Variants in PPM1A observed in about 807,000 individuals in gnomAD.
PPM1A encodes the protein protein phosphatase, Mg2+/Mn2+ dependent 1A, also known as protein phosphatase 1A.
Under a neutral mutation model 35.0 loss-of-function variants are expected in PPM1A, and 7 were observed. The ratio of observed to expected loss-of-function variants is 0.20; its 90% CI spans 0.11 to 0.38. The LOEUF is 0.38. PPM1A is among the 10% of genes least tolerant of loss of function. The probability of loss-of-function intolerance (pLI) is 1.00; values close to 1 mark genes in which losing one functional copy is unlikely to be tolerated. For missense variants in PPM1A, 239 were observed against 467.8 expected, an observed-to-expected ratio of 0.51 and a Z score of 4.51; for synonymous variants, 153 against 167.3, an observed-to-expected ratio of 0.91 and a Z score of 0.66.
At chr14:60,280,227 A>G (rs1313882450) in intron 1 of PPM1A, among the ~76,000 whole-genome samples, 1 of 152,088 alleles carries the variant, frequency 6.6e-6, no homozygotes, top group East Asian at 1.9e-4. Flanking sequence ...GCTGGTCTAG[A>G]ACTCCTGACC....
intron 1 of PPM1A, among the ~76,000 whole-genome samples, chr14:60,254,982 C>T (rs1357842176): frequency 6.6e-6 from 1 of 152,090 alleles, no homozygotes; most frequent in East Asian, 1.9e-4. Context: ...TGGATCTTTG[C>T]TCATGCTAGT....
At chr14:60,255,429 C>G (rs914150211) in intron 1 of PPM1A, among the ~76,000 whole-genome samples, 1 of 152,054 alleles carries the variant, frequency 6.6e-6, no homozygotes, top group African/African-American at 2.4e-5. Context: ...CCTCGGCCTC[C>G]CAAAGTGCTG....
rs1885432632 is a variant in PPM1A, at chr14:60,273,784, G to A, written c.-20-8900G>A. 3.3e-5 allele frequency among the ~76,000 whole-genome samples: 5 copies of A among 152,158 alleles called. No individual in the cohort carries two copies. The South Asian group carries it at 1.0e-3, about 31-fold the overall frequency. ...AAGCATATAACCCATGGGATTTGATGATGGACTGATGGGAGATGAGGTAGA... is the reference window on the plus strand; with the variant it reads ...AAGCATATAACCCATGGGATTTGATAATGGACTGATGGGAGATGAGGTAGA... On this transcript the variant is annotated intron_variant, in intron 1 of 5. Coordinates refer to ENST00000395076, the MANE Select transcript of PPM1A (RefSeq NM_021003.5). The surrounding 1 kb of genome is among the most constrained non-coding windows in gnomAD (Gnocchi z 4.3).
At chr14:60,276,962 CT>C in intron 1 of PPM1A, 2 of 885,826 alleles carry the variant, frequency 2.3e-6, no homozygotes, top group Non-Finnish European at 2.9e-6. Context: ...ATGAAATTTT[CT>C]GATTATATCA....
chr14:60,290,126 C>G (rs1318040856), intron 4 of PPM1A, among the ~76,000 whole-genome samples: 1 of 151,990 alleles, frequency 6.6e-6, no homozygotes, highest in Non-Finnish European at 1.5e-5. Flanking sequence ...TGAGGGTTGT[C>G]TTTATTGGAA....
intron 1 of PPM1A, among the ~76,000 whole-genome samples, chr14:60,268,815 A>G (rs1252181957): frequency 1.3e-5 from 2 of 152,046 alleles, no homozygotes; most frequent in Non-Finnish European, 2.9e-5. Flanking sequence ...AACTCAATGC[A>G]AAAAACTGGT....
At position 60,282,834 on chromosome 14, in the gene PPM1A, T is replaced by C. The variant is rs765800676; in HGVS notation, c.131T>C (p.Ile44Thr). The change falls in exon 2 of 6, where the codon ATC (isoleucine) becomes ACC (threonine). Residue 44 changes from isoleucine (I) to threonine (T), a missense_variant. Coordinates refer to ENST00000395076, the MANE Select transcript of PPM1A (RefSeq NM_021003.5). The surrounding 1 kb of genome is among the most constrained non-coding windows in gnomAD (Gnocchi z 5.1). ...VEMEDAHTAV[I>T]GLPSGLESWS... The stretch of plus-strand genomic sequence containing the variant: ...ATGGAGGATGCACATACGGCTGTGA[T>C]CGGTTTGCCAAGTGGACTTGAATCG... 1 of 1,614,222 alleles carries C rather than the reference T, an allele frequency of 6.2e-7. No individual in the cohort carries two copies.
chr14:60,269,150 G>A (rs907646252), intron 1 of PPM1A, among the ~76,000 whole-genome samples: 13 of 151,916 alleles, frequency 8.6e-5, no homozygotes, highest in African/African-American at 3.1e-4. Flanking sequence ...TTTATTCCTT[G>A]TGATTTACTT....
upstream of PPM1A, among the ~76,000 whole-genome samples, chr14:60,248,163 T>C (rs948003460): frequency 5.3e-5 from 8 of 152,202 alleles, no homozygotes; most frequent in African/African-American, 1.9e-4. Context: ...ATCCCCGGCG[T>C]CTGCAAGCAG....
At chr14:60,250,522 C>A in intron 1 of PPM1A, 1 of 736,562 alleles carries the variant, frequency 1.4e-6, no homozygotes, top group Non-Finnish European at 1.7e-6. Flanking sequence ...GGTACAAATC[C>A]ACAAAAGTCA....
intron 3 of PPM1A, chr14:60,288,294 T>G: frequency 1.5e-5 from 14 of 960,434 alleles, no homozygotes; most frequent in Non-Finnish European, 1.7e-5. Flanking sequence ...TGATTCAAGG[T>G]AATGTTTTTT....
chr14:60,292,322 C>T lies in PPM1A; in HGVS notation c.1120-131C>T, dbSNP rs1221248564. 3 of 642,042 alleles carry T rather than the reference C, an allele frequency of 4.7e-6. No homozygotes were observed. Among genetic ancestry groups the T allele is most frequent in the Non-Finnish European group, 8.1e-6 (3 of 369,100 alleles). 39.8% of individuals were successfully genotyped at this position (642,042 alleles called of 1,614,324 possible). ...ATATGTACACATATATACTTATATACTTTAAAAAACATTTATATTCTAAAA... is the reference window on the plus strand; with the variant it reads ...ATATGTACACATATATACTTATATATTTTAAAAAACATTTATATTCTAAAA... On this transcript the variant is annotated intron_variant, in intron 5 of 5. Transcript: ENST00000395076. This position sits in a 1 kb window ranked among gnomAD's most constrained non-coding sequence, Gnocchi z 4.2.
chr14:60,277,637 C>T (rs1595341656), intron 1 of PPM1A, among the ~76,000 whole-genome samples: 1 of 152,132 alleles, frequency 6.6e-6, no homozygotes, highest in Non-Finnish European at 1.5e-5. Flanking sequence ...AAAATAACTA[C>T]TGTACTTCTT....
chr14:60,262,996 G>A (rs1883941494), intron 1 of PPM1A, among the ~76,000 whole-genome samples: 1 of 152,148 alleles, frequency 6.6e-6, no homozygotes, highest in Admixed American at 6.5e-5. Flanking sequence ...GGAGGCTTAG[G>A]TGGGCAGATC....
intron 1 of PPM1A, among the ~76,000 whole-genome samples, chr14:60,264,726 A>C (rs1279561969): frequency 6.6e-6 from 1 of 151,990 alleles, no homozygotes; most frequent in Non-Finnish European, 1.5e-5. Context: ...GTGGTTCCTC[A>C]GTATCATTTT....
intron 1 of PPM1A, among the ~76,000 whole-genome samples, chr14:60,259,097 GT>G (rs1883461523): frequency 6.6e-6 from 1 of 151,884 alleles, no homozygotes; most frequent in Non-Finnish European, 1.5e-5. Context: ...ACTTGAAAAG[GT>G]TTTTTTCTCT....
chr14:60,261,313 G>C (rs7155841), intron 1 of PPM1A, among the ~76,000 whole-genome samples: 1 of 151,954 alleles, frequency 6.6e-6, no homozygotes, highest in African/African-American at 2.4e-5. Context: ...GTTTTAAGAG[G>C]GAATAAAACC....
At chr14:60,275,119 A>G (rs1885602674) in intron 1 of PPM1A, among the ~76,000 whole-genome samples, 1 of 150,598 alleles carries the variant, frequency 6.6e-6, no homozygotes, top group Non-Finnish European at 1.5e-5. Context: ...AGAGATTTAG[A>G]AAAGAAAATA....
intron 1 of PPM1A, among the ~76,000 whole-genome samples, chr14:60,252,374 ACT>A (rs1262925704): frequency 2.0e-5 from 3 of 152,188 alleles, no homozygotes; most frequent in Non-Finnish European, 4.4e-5. Flanking sequence ...TGGGCACCTG[ACT>A]CTGAGTCAGT....
Sources: allele counts gnomAD v4.1 joint callset (sites outside exome capture counted in the v4.1 genomes callset), GRCh38; gene constraint gnomAD v4.1.1; non-coding constraint Gnocchi (gnomAD v3.1); transcripts MANE v1.5; gene names NCBI Gene and HGNC (gene_info 2026-07-23, HGNC 2026-07-21).